Variants in TBCD observed in about 807,000 individuals in gnomAD.
The protein encoded by TBCD is tubulin-specific chaperone D.
TBCD carries 105 observed loss-of-function variants against 169.3 expected under a neutral mutation model. The ratio of observed to expected loss-of-function variants is 0.62; its 90% CI spans 0.53 to 0.73. TBCD has a LOEUF of 0.73. TBCD is among the 30% of genes least tolerant of loss of function. The probability of loss-of-function intolerance (pLI) is 0.00; values close to 1 mark genes in which losing one functional copy is unlikely to be tolerated. For synonymous variants in TBCD, 700 were observed against 643.9 expected, an observed-to-expected ratio of 1.09 and a Z score of -1.32; for missense variants, 1,444 against 1,600.1, an observed-to-expected ratio of 0.90 and a Z score of 1.66.
rs533018563 is a variant in TBCD at position 82,833,423 on chromosome 17, C to G, written c.1318+18489C>G. Among the ~76,000 whole-genome samples the G allele has an allele frequency of 6.6e-6, 1 of 152,336 alleles. No individual in the cohort carries two copies. Among genetic ancestry groups the G allele is most frequent in the African/African-American group, 2.4e-5 (1 of 41,578 alleles). ...ATGAAGAACATTCGAACACAAGACT[C>G]TACCCTACTGCTTCTAAAGTCAGCT... On this transcript the variant is annotated intron_variant, in intron 13 of 38. Transcript: ENST00000355528. This position sits in a 1 kb window ranked among gnomAD's most constrained non-coding sequence, Gnocchi z 4.7.
At chr17:82,939,256 C>T in intron 36 of TBCD, 111 bp from the exon 37 acceptor site, 2 of 832,628 alleles carry the variant, frequency 2.4e-6, no homozygotes, top group Non-Finnish European at 4.0e-6. Context: ...GGGTCAGCGT[C>T]CTCCTCCTGA....
At chr17:82,792,762 T>A (rs571474671) in intron 7 of TBCD, among the ~76,000 whole-genome samples, 2 of 152,376 alleles carry the variant, frequency 1.3e-5, no homozygotes, top group South Asian at 4.1e-4. Context: ...AAGCTAGATG[T>A]GATTATTTCG....
intron 16 of TBCD, chr17:82,893,293 T>C: frequency 2.0e-6 from 1 of 504,006 alleles, no homozygotes; most frequent in Non-Finnish European, 3.5e-6. Flanking sequence ...AATGTTTGAG[T>C]TGTTTGAAAA....
chr17:82,809,511 C>T (rs1205924952), intron 11 of TBCD, among the ~76,000 whole-genome samples, 197 bp from the exon 12 acceptor site: 1 of 152,190 alleles, frequency 6.6e-6, no homozygotes, highest in African/African-American at 2.4e-5. Flanking sequence ...CCCTTTGAAT[C>T]TGGCTGCAGG....
At chr17:82,862,147 C>T (rs1305895804) in intron 13 of TBCD, among the ~76,000 whole-genome samples, 2 of 152,182 alleles carry the variant, frequency 1.3e-5, no homozygotes, top group Non-Finnish European at 2.9e-5. Flanking sequence ...TGGTCTTGAT[C>T]TCCTGACCTC....
Position 82,831,827 on chromosome 17 carries a change from C to T in TBCD, c.1318+16893C>T, listed in dbSNP as rs371325073. On this transcript the variant is annotated intron_variant, in intron 13 of 38. Coordinates refer to ENST00000355528, the MANE Select transcript of TBCD (RefSeq NM_005993.5). This position sits in a 1 kb window ranked among gnomAD's most constrained non-coding sequence, Gnocchi z 4.6. ...AACTCTGGTGGAAGGAAAGGTGAGC[C>T]GGCTTTCCAGGGGTAGCCAGGAGTG... 56 of 1,614,016 alleles carry T rather than the reference C, an allele frequency of 3.5e-5. No individual in the cohort carries two copies. The highest frequency in any genetic ancestry group is 2.7e-4 in the East Asian group (12 of 44,894).
intron 13 of TBCD, among the ~76,000 whole-genome samples, chr17:82,857,186 T>C (rs2056384888): frequency 1.3e-5 from 2 of 152,238 alleles, no homozygotes; most frequent in South Asian, 4.2e-4. Flanking sequence ...CTTGTGATTT[T>C]GATTTGAATT....
At chr17:82,940,544 G>T (rs889307630) in intron 37 of TBCD, among the ~76,000 whole-genome samples, 1 of 152,178 alleles carries the variant, frequency 6.6e-6, no homozygotes, top group Non-Finnish European at 1.5e-5. Flanking sequence ...TAGAGCTCAC[G>T]CACCAGGCAG....
At chr17:82,802,925 G>C (rs1272837814) in intron 9 of TBCD, among the ~76,000 whole-genome samples, 4 of 152,252 alleles carry the variant, frequency 2.6e-5, no homozygotes, top group Admixed American at 2.6e-4. Context: ...TAGTTCTCTC[G>C]ATAATGATGT....
intron 13 of TBCD, chr17:82,838,929 T>G: frequency 2.0e-6 from 2 of 985,378 alleles, no homozygotes; most frequent in Non-Finnish European, 1.2e-6. Flanking sequence ...CAGTGAAAAT[T>G]AGGGGCACAG....
intron 15 of TBCD, among the ~76,000 whole-genome samples, chr17:82,885,425 G>A (rs1208258954): frequency 6.6e-6 from 1 of 152,184 alleles, no homozygotes; most frequent in African/African-American, 2.4e-5. Context: ...GTAGTTAGAA[G>A]TCTTTCTCTG....
At chr17:82,940,768 ACAC>A (rs929089215) in intron 37 of TBCD, among the ~76,000 whole-genome samples, 18 of 152,110 alleles carry the variant, frequency 1.2e-4, no homozygotes, top group African/African-American at 4.3e-4. Context: ...TTAAAAAAAA[ACAC>A]CAAGGTGCAT....
At position 82,782,719 on chromosome 17, in the gene TBCD, G is replaced by A. The variant is rs1053454728; in HGVS notation, c.771+998G>A. ...ACGGCGTCCTCCTGTCCGTGGCGTC[G>A]TCCTCCTGTCCGCAGCATCGTCTTC... is the stretch of plus-strand genomic sequence containing the variant. On this transcript the variant is annotated intron_variant, in intron 7 of 38. Transcript: ENST00000355528. The surrounding 1 kb of genome is among the most constrained non-coding windows in gnomAD (Gnocchi z 5.1). Among the ~76,000 whole-genome samples, 19 of 151,912 alleles carry A rather than the reference G, an allele frequency of 1.3e-4. No individual in the cohort carries two copies. Among genetic ancestry groups the A allele is most frequent in the Admixed American group, 2.0e-4 (3 of 15,246 alleles).
At chr17:82,838,673 C>A (rs1228144460) in intron 13 of TBCD, 10 of 985,462 alleles carry the variant, frequency 1.0e-5, no homozygotes, top group Non-Finnish European at 1.2e-5. Flanking sequence ...CCACTCCCTC[C>A]CAGCCTTTCG....
In TBCD at chr17:82,922,998, A is replaced by G. The variant is rs1331961285; in HGVS notation, c.2179-654A>G. Among the ~76,000 whole-genome samples the G allele has an allele frequency of 1.3e-5, 2 of 151,896 alleles. No homozygotes were observed. Among genetic ancestry groups the G allele is most frequent in the African/African-American group, 4.8e-5 (2 of 41,334 alleles). On this transcript the variant is annotated intron_variant, in intron 25 of 38. Transcript: ENST00000355528. The surrounding 1 kb of genome is among the most constrained non-coding windows in gnomAD (Gnocchi z 4.1). Reference sequence around the variant, plus strand: ...TGCAGCAATTGCCGTCCCTCCCACCACGGTTCCTGGTGGCCTTGGGATGGG... The same window carrying G: ...TGCAGCAATTGCCGTCCCTCCCACCGCGGTTCCTGGTGGCCTTGGGATGGG...
chr17:82,918,049 A>G (rs77214329), intron 23 of TBCD, among the ~76,000 whole-genome samples: 3,118 of 152,324 alleles, frequency 0.02, 47 homozygotes, highest in Middle Eastern at 0.031. Flanking sequence ...CGAAATAATT[A>G]TAGACTTACA....
rs1157095181 is a variant in TBCD, at chr17:82,915,889, G to A, written c.2038+4100G>A. On this transcript the variant is annotated intron_variant, in intron 23 of 38. Transcript: ENST00000355528. The surrounding 1 kb of genome is among the most constrained non-coding windows in gnomAD (Gnocchi z 4.3). ...TGTTAATGGACTTCCTGCTGTGGGG[G>A]TGAGGGCTCCGTGCTCCATCTCTGA... Among the ~76,000 whole-genome samples, 1 of 152,202 alleles carries A rather than the reference G, an allele frequency of 6.6e-6. No homozygotes were observed. The highest frequency in any genetic ancestry group is 1.9e-4 in the East Asian group (1 of 5,190).
At chr17:82,846,264 T>TGCTGCCCCCTCCACGCGCTGCGTCCAGC (rs2055059738) in intron 13 of TBCD, among the ~76,000 whole-genome samples, 1 of 141,060 alleles carries the variant, frequency 7.1e-6, no homozygotes, top group African/African-American at 2.8e-5. Context: ...CTGCGTCCTC[T>TGCTGCCCCCTCCACGCGCTGCGTCCAGC]GTGCTGTGTC....
At chr17:82,912,587 T>A (rs2060723740) in intron 23 of TBCD, among the ~76,000 whole-genome samples, 1 of 151,514 alleles carries the variant, frequency 6.6e-6, no homozygotes, top group Non-Finnish European at 1.5e-5. Flanking sequence ...AGTGTGAGTG[T>A]GGAGGCACAG....
Sources: allele counts gnomAD v4.1 joint callset (sites outside exome capture counted in the v4.1 genomes callset), GRCh38; gene constraint gnomAD v4.1.1; non-coding constraint Gnocchi (gnomAD v3.1); transcripts MANE v1.5; gene names NCBI Gene and HGNC (gene_info 2026-07-23, HGNC 2026-07-21).